CCBE1: variants seen among roughly 807,000 people sequenced by gnomAD.
CCBE1 encodes collagen and calcium-binding EGF domain-containing protein 1.
A neutral mutation model predicts 50.0 loss-of-function variants in CCBE1; 37 were observed. That is an observed-to-expected ratio of 0.74 (90% CI 0.57 to 0.97). The LOEUF (loss-of-function observed/expected upper bound fraction) is 0.97. Ranked by LOEUF, CCBE1 falls within the 50% of genes least tolerant of loss-of-function variation. The probability of loss-of-function intolerance (pLI) is 0.00; values close to 1 mark genes in which losing one functional copy is unlikely to be tolerated. For synonymous variants in CCBE1, 234 were observed against 203.7 expected, an observed-to-expected ratio of 1.15 and a Z score of -1.27; for missense variants, 538 against 523.8, an observed-to-expected ratio of 1.03 and a Z score of -0.26.
intron 2 of CCBE1, among the ~76,000 whole-genome samples, chr18:59,623,575 A>G (rs1248931613): frequency 6.6e-6 from 1 of 152,220 alleles, no homozygotes; most frequent in Non-Finnish European, 1.5e-5. Context: ...CACATAATGC[A>G]TAAGCCCAGG....
chr18:59,470,729 G>A (rs368730012), intron 3 of CCBE1, among the ~76,000 whole-genome samples: 2 of 152,118 alleles, frequency 1.3e-5, no homozygotes, highest in African/African-American at 2.4e-5. Flanking sequence ...CTCCCGGACC[G>A]GAGCCAGCAC....
rs1047194143 is a variant in CCBE1 at position 59,662,964 on chromosome 18, C to T, written c.212+33665G>A. Among the ~76,000 whole-genome samples, 44 of 152,158 alleles carry T rather than the reference C, an allele frequency of 2.9e-4. 2 individuals are homozygous for T. The highest frequency in any genetic ancestry group is 2.0e-4 in the Admixed American group (3 of 15,282). On this transcript the variant is annotated intron_variant, in intron 2 of 10. Coordinates refer to ENST00000439986, the MANE Select transcript of CCBE1 (RefSeq NM_133459.4). ...CATATATAAGGTTCTATCACAAAGG[C>T]TCACTATAGCAAAACAAAACCTAGA...
chr18:59,592,934 T>C lies in CCBE1; in HGVS notation c.212+103695A>G, dbSNP rs527867340. 2.0e-5 allele frequency among the ~76,000 whole-genome samples: 3 copies of C among 152,220 alleles called. No individual in the cohort carries two copies. In the South Asian group the frequency reaches 6.2e-4, roughly 32 times the overall value. On this transcript the variant is annotated intron_variant, in intron 2 of 10. Coordinates refer to ENST00000439986, the MANE Select transcript of CCBE1 (RefSeq NM_133459.4). ...AAAATAAAAAAAAAGGAAGGAAACC[T>C]GCAGATTAAAAAAGATTTAAAAAGC... is the stretch of plus-strand genomic sequence containing the variant.
chr18:59,584,303 G>A (rs1306275821), intron 2 of CCBE1, among the ~76,000 whole-genome samples: 1 of 139,056 alleles, frequency 7.2e-6, no homozygotes, highest in African/African-American at 2.7e-5. Context: ...TGGACAATGA[G>A]AACACATGGA....
At chr18:59,523,598 A>G (rs1225908407) in intron 2 of CCBE1, among the ~76,000 whole-genome samples, 5 of 152,166 alleles carry the variant, frequency 3.3e-5, no homozygotes, top group Non-Finnish European at 7.3e-5. Flanking sequence ...TAAAATATAA[A>G]TTGTAATAAC....
At chr18:59,496,874 G>C (rs146897248) in intron 2 of CCBE1, among the ~76,000 whole-genome samples, 1 of 152,210 alleles carries the variant, frequency 6.6e-6, no homozygotes, top group African/African-American at 2.4e-5. Flanking sequence ...ATGTGGAGAC[G>C]TCACATGGTA....
In CCBE1 at chr18:59,682,121, T is replaced by C. The variant is rs538404300; in HGVS notation, c.212+14508A>G. Among the ~76,000 whole-genome samples the C allele has an allele frequency of 5.9e-5, 9 of 152,310 alleles. No individual in the cohort carries two copies. The East Asian group carries it at 1.5e-3, about 26-fold the overall frequency. ...GCTCATGCCTGTAATCCCAGCACTT[T>C]GGGAGGCCAAGGTGGGCAGATCATG... On this transcript the variant is annotated intron_variant, in intron 2 of 10. Coordinates refer to ENST00000439986, the MANE Select transcript of CCBE1 (RefSeq NM_133459.4).
intron 2 of CCBE1, among the ~76,000 whole-genome samples, chr18:59,486,212 C>A (rs1266301445): frequency 6.6e-6 from 1 of 152,188 alleles, no homozygotes. Flanking sequence ...GTGCCTAGCA[C>A]AGGGCCTGGC....
chr18:59,466,918 C>T (rs1294658170), intron 4 of CCBE1, 27 bp from the exon 5 acceptor site: 1 of 1,596,216 alleles, frequency 6.3e-7, no homozygotes, highest in African/African-American at 1.3e-5. Flanking sequence ...GTAGAGAATA[C>T]TAAGTTTCTG....
chr18:59,437,897 A>G (rs1910231764), intron 10 of CCBE1, among the ~76,000 whole-genome samples: 1 of 152,252 alleles, frequency 6.6e-6, no homozygotes, highest in Non-Finnish European at 1.5e-5. Context: ...ATGATAAAAG[A>G]GAAAACAGCA....
At chr18:59,567,989 A>G (rs1568210844) in intron 2 of CCBE1, among the ~76,000 whole-genome samples, 1 of 152,190 alleles carries the variant, frequency 6.6e-6, no homozygotes, top group Non-Finnish European at 1.5e-5. Flanking sequence ...ATTTTTAGAA[A>G]TCGCTGTGGT....
At chr18:59,652,761 G>A (rs929415658) in intron 2 of CCBE1, among the ~76,000 whole-genome samples, 1 of 152,172 alleles carries the variant, frequency 6.6e-6, no homozygotes, top group Non-Finnish European at 1.5e-5. Flanking sequence ...TCAGGAGATT[G>A]AGACCATCCT....
chr18:59,627,218 G>T (rs780837995), intron 2 of CCBE1, among the ~76,000 whole-genome samples: 3 of 152,104 alleles, frequency 2.0e-5, no homozygotes, highest in Non-Finnish European at 2.9e-5. Context: ...ACACCATATT[G>T]TCCGTATTCT....
rs974800783 is a variant in CCBE1 at position 59,435,810 on chromosome 18, T to A, written c.*98A>T. The A allele has an allele frequency of 6.7e-6, 7 of 1,046,734 alleles. No homozygotes were observed. The highest frequency in any genetic ancestry group is 1.1e-5 in the Non-Finnish European group (7 of 664,650). 64.8% of individuals were successfully genotyped at this position (1,046,734 alleles called of 1,614,324 possible). A position where few individuals can be genotyped will look rare whatever the true frequency, so the allele number is the denominator to read the frequency against. ...CAGGAGAAGAGAAGAGAAAAATGTA[T>A]GTTTTCTAGGTCTCCAGTGGTCTTT... On this transcript the variant is annotated 3_prime_UTR_variant, in exon 11 of 11. Transcript: ENST00000439986.
Position 59,546,569 on chromosome 18 carries a change from T to C in CCBE1, c.213-66331A>G, listed in dbSNP as rs79018438. On this transcript the variant is annotated intron_variant, in intron 2 of 10. Transcript: ENST00000439986. Reference sequence around the variant, plus strand: ...GAGCTGAACAACCATTTGAACAAACTATTTGAAGTGGTTTGTTCAACAGCA... The same window carrying C: ...GAGCTGAACAACCATTTGAACAAACCATTTGAAGTGGTTTGTTCAACAGCA... Among the ~76,000 whole-genome samples the C allele has an allele frequency of 2.3e-3, 346 of 152,336 alleles. 3 individuals carry two copies. The highest frequency in any genetic ancestry group is 7.8e-3 in the African/African-American group (324 of 41,572).
intron 2 of CCBE1, among the ~76,000 whole-genome samples, chr18:59,642,224 T>A (rs2053999662): frequency 2.0e-5 from 3 of 152,140 alleles, no homozygotes; most frequent in Non-Finnish European, 1.5e-5. Context: ...ATGCAAATGG[T>A]CCATTAACTC....
rs117501377 is a variant in CCBE1 at position 59,537,747 on chromosome 18, T to G, written c.213-57509A>C. Among the ~76,000 whole-genome samples the G allele has an allele frequency of 6.8e-3, 1,042 of 152,320 alleles. 7 individuals carry two copies. The highest frequency in any genetic ancestry group is 0.014 in the Middle Eastern group (4 of 294). Reference sequence around the variant, plus strand: ...GTCACCTCAAAAGGAATTTGGTGACTCCTCCTTCTGTTTAACACATTTTTC... The same window carrying G: ...GTCACCTCAAAAGGAATTTGGTGACGCCTCCTTCTGTTTAACACATTTTTC... On this transcript the variant is annotated intron_variant, in intron 2 of 10. Coordinates refer to ENST00000439986, the MANE Select transcript of CCBE1 (RefSeq NM_133459.4).
Position 59,447,984 on chromosome 18 carries a change from G to A in CCBE1, c.774C>T (p.Pro258=), listed in dbSNP as rs776263282. The change falls in exon 7 of 11, where the codon CCC becomes CCT. Residue 258 remains proline (P), a splice_region_variant and synonymous_variant. Transcript: ENST00000439986. Reference sequence around the variant, plus strand: ...TCCTGTGCCCTCTTCCACACTCACCGGGAGGGCCCTGGCCCCCAGGCAGGC... The same window carrying A: ...TCCTGTGCCCTCTTCCACACTCACCAGGAGGGCCCTGGCCCCCAGGCAGGC... The part of the protein sequence containing the change: ...PPGLPGGQGP[P]GSPGPKGSPG... 8 of 1,613,978 alleles carry A rather than the reference G, an allele frequency of 5.0e-6. No individual in the cohort carries two copies. Among genetic ancestry groups the A allele is most frequent in the African/African-American group, 2.7e-5 (2 of 74,930 alleles).
At position 59,697,362 on chromosome 18, in the gene CCBE1, T is replaced by C; in HGVS notation, c.-20A>G. The C allele has an allele frequency of 6.5e-7, 1 of 1,543,510 alleles. No homozygotes were observed. Among genetic ancestry groups the C allele is most frequent in the Non-Finnish European group, 8.7e-7 (1 of 1,146,084 alleles). ...CACCATCAGGGAAGCTCCCGGCTTC[T>C]TCCCAGCGCCGAGCTCCGTCCGGAC... On this transcript the variant is annotated 5_prime_UTR_variant, in exon 1 of 11. Coordinates refer to ENST00000439986, the MANE Select transcript of CCBE1 (RefSeq NM_133459.4).
Sources: allele counts gnomAD v4.1 joint callset (sites outside exome capture counted in the v4.1 genomes callset), GRCh38; gene constraint gnomAD v4.1.1; transcripts MANE v1.5; gene names NCBI Gene and HGNC (gene_info 2026-07-23, HGNC 2026-07-21).